UNC13C: variants seen among roughly 807,000 people sequenced by gnomAD.
UNC13C encodes the protein protein unc-13 homolog C.
Under a neutral mutation model 245.4 loss-of-function variants are expected in UNC13C, and 174 were observed. That is an observed-to-expected ratio of 0.71 (90% CI 0.63 to 0.80). UNC13C has a LOEUF of 0.80. UNC13C is among the 30% of genes least tolerant of loss of function. The pLI, the probability that UNC13C is intolerant of heterozygous loss-of-function variation, is 0.00. For synonymous variants in UNC13C, 992 were observed against 895.1 expected (o/e 1.11, Z -1.93); for missense variants, 2,829 against 2,602.9 (o/e 1.09, Z -1.89).
chr15:54,010,871 G>T (rs931083469), intron 1 of UNC13C, among the ~76,000 whole-genome samples: 6 of 152,074 alleles, frequency 3.9e-5, no homozygotes, highest in African/African-American at 1.4e-4. Flanking sequence ...GCAAGTGGAT[G>T]ATTATGATGA....
intron 1 of UNC13C, among the ~76,000 whole-genome samples, 192 bp from the exon 2 acceptor site, chr15:54,012,456 A>G (rs1482132176): frequency 2.0e-5 from 3 of 152,226 alleles, no homozygotes; most frequent in Admixed American, 2.0e-4. Flanking sequence ...AACATTATAA[A>G]CATAGTTATT....
intron 2 of UNC13C, among the ~76,000 whole-genome samples, chr15:54,059,809 G>A (rs1358524900): frequency 3.3e-5 from 5 of 152,052 alleles, no homozygotes; most frequent in Non-Finnish European, 7.4e-5. Context: ...CAGAAATAAT[G>A]CCTCATATCT....
intron 3 of UNC13C, 69 bp downstream of exon 3, chr15:54,143,109 T>C: frequency 7.1e-7 from 1 of 1,402,836 alleles, no homozygotes; most frequent in African/African-American, 1.4e-5. Context: ...TTGTGACATA[T>C]TAGATCTGTT....
chr15:54,173,216 T>C (rs957367935), intron 4 of UNC13C, among the ~76,000 whole-genome samples: 1 of 152,020 alleles, frequency 6.6e-6, no homozygotes, highest in Non-Finnish European at 1.5e-5. Context: ...TCCAAATACC[T>C]TGAAGTCCCA....
chr15:54,226,206 G>A (rs1018257367), intron 4 of UNC13C, among the ~76,000 whole-genome samples: 1 of 152,156 alleles, frequency 6.6e-6, no homozygotes, highest in African/African-American at 2.4e-5. Flanking sequence ...TTCAGTGCCA[G>A]CATTTTATTG....
chr15:54,393,781 T>A (rs2040013343), intron 18 of UNC13C, among the ~76,000 whole-genome samples: 1 of 151,796 alleles, frequency 6.6e-6, no homozygotes, highest in East Asian at 1.9e-4. Flanking sequence ...CTTAGGCAAA[T>A]TATCTAATTT....
At chr15:54,109,296 TTCCCCTCCCC>T (rs1251169408) in intron 2 of UNC13C, among the ~76,000 whole-genome samples, 2 of 22,642 alleles carry the variant, frequency 8.8e-5, no homozygotes, top group South Asian at 5.4e-3. Context: ...CTCCCCTCCC[TTCCCCTCCCC>T]TCCCCTCCCC....
upstream of UNC13C, among the ~76,000 whole-genome samples, chr15:53,977,828 A>T (rs1314159182): frequency 2.0e-5 from 3 of 152,220 alleles, no homozygotes; most frequent in Admixed American, 2.0e-4. Flanking sequence ...ATGAAAAGAC[A>T]TTATTCCTAA....
intron 17 of UNC13C, among the ~76,000 whole-genome samples, chr15:54,342,921 A>G (rs946492913): frequency 1.3e-5 from 2 of 152,168 alleles, no homozygotes; most frequent in African/African-American, 4.8e-5. Flanking sequence ...TAGTTTTAAA[A>G]CTTGGTCCTC....
At chr15:53,938,543 C>A in the UNC13C span, among the ~76,000 whole-genome samples, 2 of 152,146 alleles carry the variant, frequency 1.3e-5, no homozygotes, top group African/African-American at 2.4e-5. Flanking sequence ...CACCCCCAAA[C>A]AACAAAATAC....
the UNC13C span, among the ~76,000 whole-genome samples, chr15:53,850,467 A>G: frequency 6.6e-6 from 1 of 152,282 alleles, no homozygotes; most frequent in East Asian, 1.9e-4. Flanking sequence ...TTAGGGGTGT[A>G]TAACAACCCC....
At chr15:54,375,927 A>G (rs1170031730) in intron 17 of UNC13C, among the ~76,000 whole-genome samples, 1 of 152,238 alleles carries the variant, frequency 6.6e-6, no homozygotes, top group Non-Finnish European at 1.5e-5. Context: ...AATTTGTTAC[A>G]CAGCAAAAGA....
rs1900958536 is a variant in UNC13C at position 54,623,827 on chromosome 15, A to T, written c.6232A>T (p.Thr2078Ser). Reference sequence around the variant, plus strand: ...TATTAATGACCTAAACTGGCAGACCACAGCAATGTTCCGCCCCTTTGTGGA... The same window carrying T: ...TATTAATGACCTAAACTGGCAGACCTCAGCAATGTTCCGCCCCTTTGTGGA... ...IAINDLNWQT[T>S]AMFRPFVEVC... is the part of the protein sequence containing the mutation. The change falls in exon 32 of 33, where the codon ACA becomes TCA. Residue 2078 changes from threonine (T) to serine (S), a missense_variant. Physicochemically the swap from Thr to Ser is moderately conservative, Grantham distance 58 (BLOSUM62 1). Transcript: ENST00000260323. 1 of 1,613,008 alleles carries T rather than the reference A, an allele frequency of 6.2e-7. No homozygotes were observed. The highest frequency in any genetic ancestry group is 1.3e-5 in the African/African-American group (1 of 74,876).
chr15:54,439,146 C>T (rs1443765448), intron 19 of UNC13C, among the ~76,000 whole-genome samples: 4 of 151,894 alleles, frequency 2.6e-5, no homozygotes, highest in African/African-American at 9.7e-5. Flanking sequence ...CTAAACTCAA[C>T]GCATCTCTCT....
chr15:53,944,978 T>A, the UNC13C span, among the ~76,000 whole-genome samples: 4 of 152,224 alleles, frequency 2.6e-5, no homozygotes, highest in Non-Finnish European at 5.9e-5. Context: ...AGGTTGTACC[T>A]CACTGTGGTT....
At chr15:54,538,016 G>T (rs1386002175) in intron 26 of UNC13C, among the ~76,000 whole-genome samples, 1 of 150,480 alleles carries the variant, frequency 6.6e-6, no homozygotes, top group East Asian at 2.0e-4. Flanking sequence ...CAGAGCAAAA[G>T]AAACTATTGT....
chr15:54,241,518 G>A (rs1277145741), intron 7 of UNC13C, among the ~76,000 whole-genome samples: 1 of 152,074 alleles, frequency 6.6e-6, no homozygotes, highest in East Asian at 1.9e-4. Flanking sequence ...GAAGTGAAAG[G>A]GGCCTGAATT....
chr15:54,555,552 C>T (rs1897054795), intron 29 of UNC13C, 40 bp downstream of exon 29: 2 of 1,480,456 alleles, frequency 1.4e-6, no homozygotes, highest in Non-Finnish European at 1.9e-6. Flanking sequence ...CGAGAGAGGC[C>T]CCCATTTACC....
chr15:54,471,589 G>A (rs796252013), intron 19 of UNC13C, among the ~76,000 whole-genome samples: 13 of 151,420 alleles, frequency 8.6e-5, no homozygotes, highest in African/African-American at 2.4e-4. Context: ...TTTCCATAAG[G>A]TGAAAAGACC....
Sources: gnomAD v4.1 joint callset for allele counts (sites outside exome capture counted in the v4.1 genomes callset) on GRCh38, gnomAD v4.1.1 for gene constraint, MANE v1.5 for transcripts, NCBI Gene and HGNC (gene_info 2026-07-23, HGNC 2026-07-21) for gene names.